SLC27A5: variants seen among roughly 807,000 people sequenced by gnomAD.
SLC27A5 encodes the protein long-chain fatty acid transport protein 5.
Under a neutral mutation model 63.1 loss-of-function variants are expected in SLC27A5, and 47 were observed. That is an observed-to-expected ratio of 0.74 (90% CI 0.59 to 0.95). The LOEUF (loss-of-function observed/expected upper bound fraction) is 0.95, where lower values mean the gene tolerates loss of function less well. Among genes scored for constraint, SLC27A5 ranks in the 40% least tolerant of loss-of-function variants. The pLI, the probability that SLC27A5 is intolerant of heterozygous loss-of-function variation, is 0.00. For missense variants in SLC27A5, 940 were observed against 921.0 expected (o/e 1.02, Z -0.27); for synonymous variants, 391 against 403.8 (o/e 0.97, Z 0.38).
chr19:58,500,566 T>C lies in SLC27A5; in HGVS notation c.1323A>G (p.Leu441=). The change falls in exon 5 of 10, where the codon TTA becomes TTG. Residue 441 remains leucine (L), a synonymous_variant. Transcript: ENST00000263093. ...VYGSTEGNMG[L]VNYVGRCGAL... The stretch of plus-strand genomic sequence containing the variant: ...CCCCGCAGCGCCCCACATAGTTGAC[T>C]AAGCCCATGTTGCCTTCTGTGGAGC... The C allele has an allele frequency of 6.2e-7, 1 of 1,614,118 alleles. No individual in the cohort carries two copies. Among genetic ancestry groups the C allele is most frequent in the Non-Finnish European group, 8.5e-7 (1 of 1,180,026 alleles).
intron 3 of SLC27A5, among the ~76,000 whole-genome samples, chr19:58,506,727 A>G (rs1362318603): frequency 6.7e-6 from 1 of 149,284 alleles, no homozygotes; most frequent in Non-Finnish European, 1.5e-5. Context: ...TTCCTGCCTC[A>G]GCCTCCCGAG....
rs762958780 is a variant in SLC27A5 at position 58,500,620 on chromosome 19, G to A, written c.1269C>T (p.Phe423=). Residue 423 remains phenylalanine, a synonymous_variant, in exon 5 of 10, where the codon TTC becomes TTT. Transcript: ENST00000263093. The part of the protein sequence containing the change: ...ADVWETFQQR[F]GPIRIWEVYG... ...AGACTTCCCAGATCCGAATAGGACC[G>A]AAGCGCTGCTGGAAGGTCTCCCACA... 28 of 1,614,020 alleles carry A rather than the reference G, an allele frequency of 1.7e-5. No homozygotes were observed. The highest frequency in any genetic ancestry group is 5.0e-5 in the Admixed American group (3 of 59,996).
Position 58,501,337 on chromosome 19 carries a change from T to G in SLC27A5, c.1131A>C (p.Thr377=). Residue 377 remains threonine (T), a synonymous_variant, in exon 4 of 10, where the codon ACA becomes ACC. Transcript: ENST00000263093. Reference sequence around the variant, plus strand: ...GGAGCTCGCCCACATACAGGATCACTGTCACGCCATGCTGCCGACAGTCAT... The same window carrying G: ...GGAGCTCGCCCACATACAGGATCACGGTCACGCCATGCTGCCGACAGTCAT... ...FWDDCRQHGV[T]VILYVGELLR... 1 of 1,613,832 alleles carries G rather than the reference T, an allele frequency of 6.2e-7. No individual in the cohort carries two copies. The highest frequency in any genetic ancestry group is 8.5e-7 in the Non-Finnish European group (1 of 1,179,798).
intron 6 of SLC27A5, 59 bp downstream of exon 6, chr19:58,500,280 A>T: frequency 7.1e-7 from 1 of 1,414,644 alleles, no homozygotes; most frequent in Non-Finnish European, 9.9e-7. Context: ...GTTCCAGCCA[A>T]GCAGAAGACT....
At position 58,498,578 on chromosome 19, in the gene SLC27A5, C is replaced by T. The variant is rs1239760352; in HGVS notation, c.2010G>A (p.Gln670=). Residue 670 remains glutamine, a synonymous_variant, in exon 10 of 10, where the codon CAG becomes CAA. Transcript: ENST00000263093. ...DPLFVLDNRA[Q]SFRPLTAEMY... is the part of the protein sequence containing the mutation. The stretch of plus-strand genomic sequence containing the variant: ...TTTCTGCCGTCAGGGGCCGGAAGGA[C>T]TGGGCCCGGTTGTCCAGTACAAACA... 6.2e-7 allele frequency: 1 copy of T among 1,613,982 alleles called. No homozygotes were observed. Among genetic ancestry groups the T allele is most frequent in the Non-Finnish European group, 8.5e-7 (1 of 1,180,020 alleles).
intron 7 of SLC27A5, 112 bp downstream of exon 7, chr19:58,499,380 G>A: frequency 7.3e-7 from 1 of 1,373,440 alleles, no homozygotes; most frequent in Non-Finnish European, 1.0e-6. Flanking sequence ...CTGACTCCAA[G>A]TTCCGCCCTC....
At chr19:58,501,141 T>A in intron 4 of SLC27A5, 145 bp downstream of exon 4, 1 of 1,279,566 alleles carries the variant, frequency 7.8e-7, no homozygotes, top group Non-Finnish European at 1.1e-6. Context: ...ATTGGAAGCC[T>A]TGTCTGAAAC....
intron 3 of SLC27A5, chr19:58,509,544 C>A (rs1255239619): frequency 1.0e-5 from 3 of 287,782 alleles, no homozygotes; most frequent in African/African-American, 2.2e-5. Context: ...GCCCTTGGGG[C>A]CATGTCACAA....
At chr19:58,499,348 C>T in intron 7 of SLC27A5, 128 bp from the exon 8 acceptor site, 3 of 1,330,262 alleles carry the variant, frequency 2.3e-6, no homozygotes, top group Non-Finnish European at 3.1e-6. Flanking sequence ...AATCGAGAAG[C>T]CCCGCCTTCG....
intron 3 of SLC27A5, among the ~76,000 whole-genome samples, chr19:58,504,744 G>A (rs2053325304): frequency 6.6e-6 from 1 of 151,812 alleles, no homozygotes; most frequent in South Asian, 2.1e-4. Context: ...GGTGGCTCAT[G>A]CCTGTAATCC....
Position 58,499,586 on chromosome 19 carries a change from G to GC in SLC27A5, c.1572dup (p.Gln525AlafsTer57). On this transcript the variant is annotated frameshift_variant, in exon 7 of 10. Transcript: ENST00000263093. LOFTEE classifies it high-confidence loss of function. ...GTGTTGTAGTAAACGTCGCCCGATT[G>GC]CCGCACGTTGCGCACCAGCTTCCGT... 6.2e-7 allele frequency: 1 copy of GC among 1,613,100 alleles called. No homozygotes were observed. Among genetic ancestry groups the GC allele is most frequent in the Middle Eastern group, 1.6e-4 (1 of 6,062 alleles).
intron 8 of SLC27A5, 25 bp downstream of exon 8, chr19:58,499,098 A>C: frequency 1.9e-6 from 3 of 1,613,164 alleles, no homozygotes. Context: ...AGCTGTTGGA[A>C]GTTTAAAATG....
intron 3 of SLC27A5, among the ~76,000 whole-genome samples, chr19:58,504,625 G>A (rs1341401647): frequency 2.8e-5 from 4 of 145,324 alleles, no homozygotes; most frequent in Non-Finnish European, 3.0e-5. Context: ...CCAAGATGGT[G>A]CCACTGCACT....
chr19:58,505,848 CAAAAA>C (rs34890544), intron 3 of SLC27A5, among the ~76,000 whole-genome samples: 3 of 83,566 alleles, frequency 3.6e-5, no homozygotes, highest in Non-Finnish European at 7.0e-5. Flanking sequence ...AACCCCGACT[CAAAAA>C]AAAAAAAAAA....
At position 58,509,980 on chromosome 19, in the gene SLC27A5, C is replaced by T. The variant is rs34274259; in HGVS notation, c.924G>A (p.Thr308=). 7,189 of 1,613,696 alleles carry T rather than the reference C, an allele frequency of 4.5e-3. 276 individuals are homozygous for T. In the African/African-American group the frequency reaches 0.077, roughly 17 times the overall value. The part of the protein sequence containing the change: ...TTGLPKPAIL[T]HERVLQMSKM... ...TGCTCATCTGCAGTACCCGCTCATGCGTGAGGATGGCTGGCTTCGGGAGGC... is the reference window on the plus strand; with the variant it reads ...TGCTCATCTGCAGTACCCGCTCATGTGTGAGGATGGCTGGCTTCGGGAGGC... The change falls in exon 3 of 10, where the codon ACG becomes ACA. Residue 308 remains threonine (T), a synonymous_variant. Transcript: ENST00000263093.
rs573334353 is a variant in SLC27A5, at chr19:58,511,311, G to A, written c.645C>T (p.His215=). ...NPHGRGMPLA[H]SVLSSGARVL... is the part of the protein sequence containing the mutation. ...CCCGGGCCCCAGAGCTCAGCACAGA[G>A]TGCGCCAGGGGCATCCCCCGGCCAT... The change falls in exon 1 of 10, where the codon CAC becomes CAT. Residue 215 remains histidine (H), a synonymous_variant. Transcript: ENST00000263093. The A allele has an allele frequency of 2.5e-6, 4 of 1,585,138 alleles. No homozygotes were observed. The highest frequency in any genetic ancestry group is 3.4e-5 in the Admixed American group (2 of 58,632).
intron 3 of SLC27A5, 56 bp downstream of exon 3, chr19:58,509,791 C>G: frequency 6.6e-7 from 1 of 1,520,946 alleles, no homozygotes; most frequent in Non-Finnish European, 8.9e-7. Flanking sequence ...CAGCCCCACG[C>G]CGACACTTAC....
chr19:58,502,907 G>A (rs962901719), intron 3 of SLC27A5, among the ~76,000 whole-genome samples: 2 of 152,032 alleles, frequency 1.3e-5, no homozygotes, highest in Non-Finnish European at 2.9e-5. Context: ...AGGCAGGGGG[G>A]TAGAAAGATG....
rs111682269 is a variant in SLC27A5, at chr19:58,501,363, C to T, written c.1105G>A (p.Asp369Asn). Residue 369 changes from aspartate (D) to asparagine (N), a missense_variant, in exon 4 of 10, where the codon GAT becomes AAT. Transcript: ENST00000263093. The part of the protein sequence containing the change: ...APKFSTSCFW[D>N]DCRQHGVTVI... ...GTCACGCCATGCTGCCGACAGTCAT[C>T]CCAGAAGCAGGAAGTAGAGAACTTG... The T allele has an allele frequency of 6.2e-6, 10 of 1,613,640 alleles. No individual in the cohort carries two copies. The African/African-American group carries it at 8.0e-5, about 13-fold the overall frequency.
Sources: gnomAD v4.1 joint callset for allele counts (sites outside exome capture counted in the v4.1 genomes callset) on GRCh38, gnomAD v4.1.1 for gene constraint, MANE v1.5 for transcripts, NCBI Gene and HGNC (gene_info 2026-07-23, HGNC 2026-07-21) for gene names.